Variants in JMJD1C observed in about 807,000 individuals in gnomAD.
JMJD1C encodes the protein jumonji domain containing 1C, also known as jumonji domain-containing protein 1C.
In JMJD1C, 31 loss-of-function variants were observed where a neutral mutation model predicts 245.3. The observed-to-expected ratio is 0.13, with a 90% CI of 0.09 to 0.17. JMJD1C has a LOEUF of 0.17. Among genes scored for constraint, JMJD1C ranks in the 10% least tolerant of loss-of-function variants. JMJD1C has a pLI of 1.00. For missense variants in JMJD1C, 2,691 were observed against 3,000.2 expected (o/e 0.90, Z 2.41); for synonymous variants, 1,057 against 1,017.4 (o/e 1.04, Z -0.74).
At chr10:63,257,229 A>C (rs1854084967) in intron 3 of JMJD1C, among the ~76,000 whole-genome samples, 1 of 143,924 alleles carries the variant, frequency 6.9e-6, no homozygotes, top group Non-Finnish European at 1.5e-5. Flanking sequence ...TTCATCTCAA[A>C]AAAAAAAAAA....
intron 21 of JMJD1C, among the ~76,000 whole-genome samples, chr10:63,184,321 AC>A (rs1398593725): frequency 2.1e-5 from 3 of 142,300 alleles, no homozygotes; most frequent in African/African-American, 7.9e-5. Flanking sequence ...GCTCACTGCA[AC>A]CTCCACGCCT....
At chr10:63,521,253 C>T (rs1248102869) in intron 1 of JMJD1C, 1 of 151,524 alleles carries the variant, frequency 6.6e-6, no homozygotes, top group African/African-American at 2.4e-5. Flanking sequence ...TGGCCCCAGC[C>T]CTGGCCCGGG....
intron 1 of JMJD1C, among the ~76,000 whole-genome samples, chr10:63,500,537 C>T (rs186535249): frequency 7.2e-5 from 11 of 152,150 alleles, no homozygotes; most frequent in African/African-American, 2.2e-4. Flanking sequence ...AGTTCGAGAC[C>T]AGCCTGTCCA....
At chr10:63,339,484 T>G (rs1276535373) in intron 2 of JMJD1C, among the ~76,000 whole-genome samples, 4 of 144,854 alleles carry the variant, frequency 2.8e-5, no homozygotes, top group African/African-American at 5.8e-5. Context: ...AAGAAATACA[T>G]TAAGTATATA....
At chr10:63,505,190 G>C (rs956127335) in intron 1 of JMJD1C, among the ~76,000 whole-genome samples, 2 of 151,892 alleles carry the variant, frequency 1.3e-5, no homozygotes, top group Non-Finnish European at 2.9e-5. Flanking sequence ...GGTGGCGGGC[G>C]CCTGTAGTCC....
At chr10:63,406,707 A>C (rs959256786) in intron 1 of JMJD1C, among the ~76,000 whole-genome samples, 2 of 152,156 alleles carry the variant, frequency 1.3e-5, no homozygotes, top group Non-Finnish European at 2.9e-5. Context: ...TAAAAACTCA[A>C]TAATACAGCA....
chr10:63,508,997 C>A (rs1287040936), intron 1 of JMJD1C, among the ~76,000 whole-genome samples: 1 of 152,150 alleles, frequency 6.6e-6, no homozygotes, highest in African/African-American at 2.4e-5. Context: ...GACATTCTTG[C>A]CTTGTGCTTA....
At chr10:63,486,712 TCTCCAAATAA>T (rs1194410368) in intron 1 of JMJD1C, among the ~76,000 whole-genome samples, 5 of 152,234 alleles carry the variant, frequency 3.3e-5, no homozygotes, top group South Asian at 2.1e-4. Context: ...TGCATGACTT[TCTCCAAATAA>T]CTCCAAATAA....
chr10:63,353,026 G>A (rs774624526), intron 2 of JMJD1C, among the ~76,000 whole-genome samples: 1 of 152,132 alleles, frequency 6.6e-6, no homozygotes. Context: ...TACAGTCTAC[G>A]AGGAGAGACT....
At chr10:63,315,854 A>AC (rs1939965414) in intron 2 of JMJD1C, among the ~76,000 whole-genome samples, 1 of 149,174 alleles carries the variant, frequency 6.7e-6, no homozygotes, top group Admixed American at 6.7e-5. Flanking sequence ...AAAAAAAAAA[A>AC]CACCACGAAA....
chr10:63,453,534 T>C (rs959715329), intron 1 of JMJD1C, among the ~76,000 whole-genome samples: 2 of 152,162 alleles, frequency 1.3e-5, no homozygotes, highest in African/African-American at 4.8e-5. Context: ...TTTATATTAC[T>C]GGAGAAAAAG....
intron 2 of JMJD1C, among the ~76,000 whole-genome samples, chr10:63,371,614 C>G (rs899479214): frequency 7.9e-5 from 12 of 152,120 alleles, no homozygotes; most frequent in Admixed American, 7.9e-4. Flanking sequence ...AACTGTTTTT[C>G]AAGCATCGTT....
rs747823940 is a variant in JMJD1C, at chr10:63,206,834, T to C, written c.4835A>G (p.Lys1612Arg). 1 of 1,600,324 alleles carries C rather than the reference T, an allele frequency of 6.2e-7. No individual in the cohort carries two copies. The highest frequency in any genetic ancestry group is 1.1e-5 in the South Asian group (1 of 87,128). ...TCTTTTGGCTTTTCTCCTGTTGACT[T>C]TATCATCTTTTACATATTTATCAAC... ...IIVDKYVKDD[K>R]VNRRKAKRTY... The change falls in exon 10 of 26, where the codon AAA becomes AGA. Residue 1612 changes from lysine to arginine, a missense_variant. Lys to Arg is a conservative substitution (Grantham distance 26). Coordinates refer to ENST00000399262, the MANE Select transcript of JMJD1C (RefSeq NM_032776.3).
chr10:63,440,922 T>C (rs180974287), intron 1 of JMJD1C, among the ~76,000 whole-genome samples: 4 of 152,068 alleles, frequency 2.6e-5, no homozygotes, highest in Admixed American at 2.6e-4. Flanking sequence ...TTCAGAGAGG[T>C]TAAATCATAC....
In JMJD1C at chr10:63,433,388, G is replaced by A. The variant is rs193112960; in HGVS notation, c.168+32107C>T. 2.1e-3 allele frequency among the ~76,000 whole-genome samples: 322 copies of A among 151,998 alleles called. 3 individuals carry two copies. The South Asian group carries it at 0.03, about 14-fold the overall frequency. On this transcript the variant is annotated intron_variant, in intron 1 of 25. Coordinates refer to ENST00000399262, the MANE Select transcript of JMJD1C (RefSeq NM_032776.3). The stretch of plus-strand genomic sequence containing the variant: ...TGGGATTACAGGCTTGTGCCACCGC[G>A]CCCGGCCTAAGGGAGTTATTTATTT...
chr10:63,501,165 T>G (rs748036652), intron 1 of JMJD1C, among the ~76,000 whole-genome samples: 14 of 152,154 alleles, frequency 9.2e-5, no homozygotes, highest in Non-Finnish European at 1.8e-4. Flanking sequence ...TCAGGACACA[T>G]GAATGTCCAT....
intron 10 of JMJD1C, among the ~76,000 whole-genome samples, chr10:63,206,319 C>T (rs1387605321): frequency 6.6e-6 from 1 of 152,058 alleles, no homozygotes; most frequent in East Asian, 1.9e-4. Flanking sequence ...CTAAATTCCA[C>T]GTTAAATTAC....
intron 2 of JMJD1C, among the ~76,000 whole-genome samples, chr10:63,377,353 C>A (rs10995525): frequency 6.6e-6 from 1 of 152,196 alleles, no homozygotes; most frequent in Non-Finnish European, 1.5e-5. Context: ...AATGTACTTA[C>A]TACCAATGAC....
chr10:63,256,857 G>T (rs1446044915), intron 3 of JMJD1C, among the ~76,000 whole-genome samples: 3 of 152,134 alleles, frequency 2.0e-5, no homozygotes, highest in Admixed American at 6.5e-5. Context: ...AAGTGAAATG[G>T]AAAAGGGAGA....
Sources: gnomAD v4.1 joint callset for allele counts (sites outside exome capture counted in the v4.1 genomes callset) on GRCh38, gnomAD v4.1.1 for gene constraint, MANE v1.5 for transcripts, NCBI Gene and HGNC (gene_info 2026-07-23, HGNC 2026-07-21) for gene names.